PNISR: variants seen among roughly 807,000 people sequenced by gnomAD.
PNISR encodes the protein PNN interacting serine and arginine rich protein, also known as arginine/serine-rich protein PNISR.
Under a neutral mutation model 93.4 loss-of-function variants are expected in PNISR, and 20 were observed. That is an observed-to-expected ratio of 0.21 (90% confidence interval 0.15 to 0.31). PNISR has a LOEUF of 0.31. Among genes scored for constraint, PNISR ranks in the 10% least tolerant of loss-of-function variants. The pLI is 1.00. For synonymous variants in PNISR, 305 were observed against 306.5 expected (o/e 0.99, Z 0.05); for missense variants, 893 against 985.4 (o/e 0.91, Z 1.25).
Position 99,414,567 on chromosome 6 carries a change from C to T in PNISR, c.88+5G>A. 6.6e-7 allele frequency: 1 copy of T among 1,515,070 alleles called. No individual in the cohort carries two copies. The highest frequency in any genetic ancestry group is 2.3e-5 in the East Asian group (1 of 43,956). 93.9% of individuals were successfully genotyped at this position (1,515,070 alleles called of 1,614,324 possible). On this transcript the variant is annotated splice_donor_5th_base_variant and intron_variant, in intron 3 of 11. Transcript: ENST00000369239. ...CGCCCTTTCAAATTCAATTTGTTTC[C>T]TTACTTGGATCCTGTTGGTGCTGGA...
chr6:99,401,132 T>C lies in PNISR; in HGVS notation c.1826A>G (p.Asn609Ser), dbSNP rs1775435459. 6.2e-7 allele frequency: 1 copy of C among 1,614,014 alleles called. No individual in the cohort carries two copies. The highest frequency in any genetic ancestry group is 8.5e-7 in the Non-Finnish European group (1 of 1,179,974). ...ACGTCTCTCTCGGGAAGGACTCCGA[T>C]TTCGTCGTCTTTCTCTTTCAATGCT... ...RNSIERERRR[N>S]RSPSRERRRS... is the part of the protein sequence containing the mutation. The change falls in exon 12 of 12, where the codon AAT (asparagine) becomes AGT (serine). Residue 609 changes from asparagine to serine, a missense_variant. Physicochemically the swap from Asn to Ser is conservative, Grantham distance 46. Around this residue, in one of 3 missense-constraint regions of PNISR, gnomAD observed 866 missense variants for 935.1 expected, o/e 0.93. Coordinates refer to ENST00000369239, the MANE Select transcript of PNISR (RefSeq NM_032870.4).
intron 6 of PNISR, 96 bp downstream of exon 6, chr6:99,409,077 G>C: frequency 2.1e-6 from 2 of 962,062 alleles, no homozygotes; most frequent in South Asian, 1.4e-5. Flanking sequence ...TAACACATCA[G>C]AGATACTCAA....
At position 99,408,182 on chromosome 6, in the gene PNISR, T is replaced by G; in HGVS notation, c.763A>C (p.Arg255=). 1.9e-6 allele frequency: 3 copies of G among 1,613,738 alleles called. No homozygotes were observed. Among genetic ancestry groups the G allele is most frequent in the Non-Finnish European group, 2.5e-6 (3 of 1,179,670 alleles). Residue 255 remains arginine (R), a synonymous_variant, in exon 7 of 12, where the codon AGA becomes CGA. Transcript: ENST00000369239. ...REKQKKLEKE[R]MEQQRSQLSK... is the part of the protein sequence containing the mutation. ...AATTGTGAACGTTGTTGTTCCATTC[T>G]TTCTTTCTCCAATTTCTTCTGCTTT...
Position 99,408,281 on chromosome 6 carries a change from G to A in PNISR, c.674-10C>T, listed in dbSNP as rs559269372. ...CTGCGTTTTACTGCGTCTGTTTCAC[G>A]TGGGAAAAATATACGCAAGTCAGTT... On this transcript the variant is annotated splice_polypyrimidine_tract_variant and intron_variant, in intron 6 of 11. Coordinates refer to ENST00000369239, the MANE Select transcript of PNISR (RefSeq NM_032870.4). 1.8e-5 allele frequency: 28 copies of A among 1,580,092 alleles called. No individual in the cohort carries two copies. Among genetic ancestry groups the A allele is most frequent in the East Asian group, 4.5e-5 (2 of 44,676 alleles).
rs747118741 is a variant in PNISR, at chr6:99,409,217, C to T, written c.629G>A (p.Arg210His). 1.2e-6 allele frequency: 2 copies of T among 1,613,838 alleles called. No homozygotes were observed. Among genetic ancestry groups the T allele is most frequent in the African/African-American group, 1.3e-5 (1 of 74,884 alleles). The change falls in exon 6 of 12, where the codon CGT becomes CAT. Residue 210 changes from arginine (R) to histidine (H), a missense_variant. Arg to His is a conservative substitution (Grantham distance 29). Transcript: ENST00000369239. ...ERPSSFRDRQ[R>H]SPIALPVKQE... ...CTTCACAGGAAGTGCAATAGGTGAACGCTGACGATCCCTGAATGATGATGG... is the reference window on the plus strand; with the variant it reads ...CTTCACAGGAAGTGCAATAGGTGAATGCTGACGATCCCTGAATGATGATGG...
intron 7 of PNISR, among the ~76,000 whole-genome samples, chr6:99,406,514 C>G (rs1323972288): frequency 6.6e-6 from 1 of 152,016 alleles, no homozygotes; most frequent in East Asian, 1.9e-4. Flanking sequence ...AAATGAGACA[C>G]TTATAGAACT....
chr6:99,409,606 C>T, intron 5 of PNISR: 2 of 313,226 alleles, frequency 6.4e-6, no homozygotes, highest in Non-Finnish European at 1.2e-5. Flanking sequence ...ATTTTTCATT[C>T]TGAATCCATT....
chr6:99,398,342 T>A lies in PNISR; in HGVS notation c.*2198A>T, dbSNP rs1407614226. On this transcript the variant is annotated 3_prime_UTR_variant, in exon 12 of 12. Transcript: ENST00000369239. Reference sequence around the variant, plus strand: ...TACATCTAATTAACTTATGTGTAAGTTTTTGCATTCACATCCTAAATCATG... The same window carrying A: ...TACATCTAATTAACTTATGTGTAAGATTTTGCATTCACATCCTAAATCATG... 6.6e-6 allele frequency: 1 copy of A among 152,132 alleles called. No individual in the cohort carries two copies. Among genetic ancestry groups the A allele is most frequent in the Non-Finnish European group, 1.5e-5 (1 of 67,976 alleles). The allele number at this position is 152,132 out of a possible 1,614,324, so 9.4% of individuals were successfully genotyped here. A position where few individuals can be genotyped will look rare whatever the true frequency, so the allele number is the denominator to read the frequency against.
intron 4 of PNISR, chr6:99,412,115 G>A: frequency 3.4e-6 from 1 of 294,696 alleles, no homozygotes; most frequent in Non-Finnish European, 6.9e-6. Context: ...GGAAGAAAAA[G>A]GTAGGCGGAT....
rs1776814099 is a variant in PNISR at position 99,410,792 on chromosome 6, A to G, written c.450T>C (p.Gly150=). The change falls in exon 5 of 12, where the codon GGT becomes GGC. Residue 150 remains glycine, a synonymous_variant. Coordinates refer to ENST00000369239, the MANE Select transcript of PNISR (RefSeq NM_032870.4). ...HIFNQNNHNF[G]GPPDNFAVGP... is the part of the protein sequence containing the mutation. ...CCACTGCAAAATTATCGGGTGGTCC[A>G]CCAAAGTTGTGATTGTTCTGGTTAA... 2 of 1,613,994 alleles carry G rather than the reference A, an allele frequency of 1.2e-6. No individual in the cohort carries two copies. Among genetic ancestry groups the G allele is most frequent in the African/African-American group, 1.3e-5 (1 of 74,934 alleles).
chr6:99,414,708 T>C lies in PNISR; in HGVS notation c.-31-18A>G, dbSNP rs556052833. The C allele has an allele frequency of 5.2e-6, 6 of 1,151,592 alleles. No individual in the cohort carries two copies. In the South Asian group the frequency reaches 5.5e-5, roughly 11 times the overall value. The allele number at this position is 1,151,592 out of a possible 1,614,324, so 71.3% of individuals were successfully genotyped here. A position where few individuals can be genotyped will look rare whatever the true frequency, so the allele number is the denominator to read the frequency against. On this transcript the variant is annotated intron_variant, in intron 2 of 11. Transcript: ENST00000369239. ...TTTTCTATCTTCAATAAATTAAACA[T>C]AGTTTAAAAATTATAGTGAGTTATT...
intron 3 of PNISR, among the ~76,000 whole-genome samples, chr6:99,413,391 TATCCATCC>T (rs34008318): frequency 0.047 from 6,992 of 149,550 alleles, 487 homozygotes; most frequent in African/African-American, 0.15. Flanking sequence ...TTTACGTATC[TATCCATCC>T]ATCCATCCAT....
Position 99,410,741 on chromosome 6 carries a change from C to G in PNISR, c.501G>C (p.Gln167His). Residue 167 changes from glutamine to histidine, a missense_variant and splice_region_variant, in exon 5 of 12, where the codon CAG becomes CAC. By Grantham distance (24) the Gln-to-His change is conservative. Transcript: ENST00000369239. Reference sequence around the variant, plus strand: ...ATTAAAGCAACAAAATATCTTTCACCTGATAGTCAAACTGGTTCACTGGCC... The same window carrying G: ...ATTAAAGCAACAAAATATCTTTCACGTGATAGTCAAACTGGTTCACTGGCC... ...AVGPVNQFDY[Q>H]HGAAFGPPQG... 6.2e-7 allele frequency: 1 copy of G among 1,609,078 alleles called. No individual in the cohort carries two copies. Among genetic ancestry groups the G allele is most frequent in the Non-Finnish European group, 8.5e-7 (1 of 1,175,602 alleles).
chr6:99,404,038 T>A, intron 9 of PNISR, 156 bp from the exon 10 acceptor site: 1 of 585,274 alleles, frequency 1.7e-6, no homozygotes, highest in Non-Finnish European at 3.1e-6. Flanking sequence ...ACCAGTATCA[T>A]GTCTGGCTTT....
intron 7 of PNISR, 40 bp downstream of exon 7, chr6:99,408,041 A>G: frequency 6.8e-7 from 1 of 1,462,770 alleles, no homozygotes; most frequent in Non-Finnish European, 9.3e-7. Flanking sequence ...CACACAACCA[A>G]GATTTTCACA....
At chr6:99,415,248 T>C (rs1582827241) in intron 2 of PNISR, 2 of 152,172 alleles carry the variant, frequency 1.3e-5, no homozygotes, top group East Asian at 1.9e-4. Context: ...TTATTAGGTG[T>C]CTACTATGCT....
intron 3 of PNISR, among the ~76,000 whole-genome samples, chr6:99,413,436 AT>A (rs1258874658): frequency 1.3e-5 from 2 of 148,924 alleles, no homozygotes; most frequent in East Asian, 3.9e-4. Flanking sequence ...CCATCCATCC[AT>A]TCATCCATGA....
In PNISR at chr6:99,401,593, C is replaced by G; in HGVS notation, c.1365G>C (p.Met455Ile). The change falls in exon 12 of 12, where the codon ATG (methionine) becomes ATC (isoleucine). Residue 455 changes from methionine to isoleucine, a missense_variant. Transcript: ENST00000369239. Reference protein sequence around the residue: ...KQQTERVTKEMNEFIHKEQNS... With the variant: ...KQQTERVTKEINEFIHKEQNS... The stretch of plus-strand genomic sequence containing the variant: ...TTTGCTCTTTATGGATAAATTCATT[C>G]ATCTCTTTTGTAACCCTTTCTGTTT... 6.4e-7 allele frequency: 1 copy of G among 1,569,410 alleles called. No homozygotes were observed. The highest frequency in any genetic ancestry group is 8.6e-7 in the Non-Finnish European group (1 of 1,164,482).
At chr6:99,413,994 T>C (rs891716589) in intron 3 of PNISR, among the ~76,000 whole-genome samples, 2 of 152,198 alleles carry the variant, frequency 1.3e-5, no homozygotes, top group Non-Finnish European at 2.9e-5. Context: ...TGTTAAATTA[T>C]GGTACAATCC....
Sources: allele counts gnomAD v4.1 joint callset (sites outside exome capture counted in the v4.1 genomes callset), GRCh38; gene constraint gnomAD v4.1.1; regional missense constraint gnomAD v4.1.1; transcripts MANE v1.5; gene names NCBI Gene and HGNC (gene_info 2026-07-23, HGNC 2026-07-21).